The following UBASH3A variants were observed in gnomAD, a reference collection of about 807,000 sequenced individuals.
UBASH3A encodes the protein ubiquitin associated and SH3 domain containing A.
In UBASH3A, 63 loss-of-function variants were observed where a neutral mutation model predicts 73.5. The observed-to-expected ratio is 0.86, with a 90% CI of 0.70 to 1.06. UBASH3A has a LOEUF of 1.06. UBASH3A is among the 50% of genes least tolerant of loss of function. The pLI is 0.00. For missense variants in UBASH3A, 860 were observed against 859.0 expected (o/e 1.00, Z -0.02); for synonymous variants, 363 against 351.1 (o/e 1.03, Z -0.38).
chr21:42,423,134 C>T (rs1028806763), intron 7 of UBASH3A, among the ~76,000 whole-genome samples: 5 of 152,198 alleles, frequency 3.3e-5, no homozygotes, highest in African/African-American at 1.2e-4. Context: ...TTTGTCCATA[C>T]CATGGCGTGC....
At chr21:42,444,767 T>C in intron 14 of UBASH3A, 124 bp downstream of exon 14, 1 of 785,958 alleles carries the variant, frequency 1.3e-6, no homozygotes, top group Non-Finnish European at 2.2e-6. Context: ...AGGATCCACG[T>C]GCCCCCGGAG....
intron 3 of UBASH3A, 132 bp from the exon 4 acceptor site, chr21:42,412,892 A>T (rs1471696010): frequency 1.2e-6 from 1 of 812,464 alleles, no homozygotes; most frequent in African/African-American, 1.7e-5. Flanking sequence ...AAAGGGACGC[A>T]ATAAATTATG....
intron 9 of UBASH3A, among the ~76,000 whole-genome samples, chr21:42,432,949 A>C (rs1307383689): frequency 6.6e-6 from 1 of 152,268 alleles, no homozygotes; most frequent in Non-Finnish European, 1.5e-5. Context: ...ATCAGGATGC[A>C]TTAACAAACA....
chr21:42,428,288 A>C (rs2053473912), intron 8 of UBASH3A, among the ~76,000 whole-genome samples: 1 of 152,150 alleles, frequency 6.6e-6, no homozygotes, highest in Admixed American at 6.5e-5. Context: ...AGCTGGTGCA[A>C]ATCAGCCCAA....
chr21:42,408,109 G>C (rs1271947901), intron 2 of UBASH3A, among the ~76,000 whole-genome samples: 10 of 152,230 alleles, frequency 6.6e-5, no homozygotes, highest in Admixed American at 1.3e-4. Flanking sequence ...TCACCCTCTG[G>C]GTGAACCCTG....
intron 7 of UBASH3A, among the ~76,000 whole-genome samples, chr21:42,423,814 G>T (rs2053385469): frequency 6.6e-6 from 1 of 152,156 alleles, no homozygotes. Context: ...AATAAGCACT[G>T]GGCTAGGTGC....
chr21:42,424,629 A>G (rs1452819474), intron 7 of UBASH3A, among the ~76,000 whole-genome samples: 1 of 152,196 alleles, frequency 6.6e-6, no homozygotes. Context: ...GGACTTTCCC[A>G]ACACTGAAGA....
chr21:42,422,224 C>T (rs559061352), intron 7 of UBASH3A, among the ~76,000 whole-genome samples: 27 of 152,294 alleles, frequency 1.8e-4, no homozygotes, highest in Admixed American at 7.2e-4. Context: ...GAACTTAGGA[C>T]CACAAAATGC....
chr21:42,429,292 C>T (rs1020315553), intron 8 of UBASH3A, among the ~76,000 whole-genome samples: 7 of 152,178 alleles, frequency 4.6e-5, no homozygotes, highest in East Asian at 1.9e-4. Flanking sequence ...TGCTTGGCAC[C>T]GCCCAGCCTG....
chr21:42,413,567 T>C lies in UBASH3A; in HGVS notation c.667+44T>C, dbSNP rs958703302. 1 of 1,375,444 alleles carries C rather than the reference T, an allele frequency of 7.3e-7. No homozygotes were observed. Among genetic ancestry groups the C allele is most frequent in the African/African-American group, 1.4e-5 (1 of 69,584 alleles). 85.2% of individuals were successfully genotyped at this position (1,375,444 alleles called of 1,614,324 possible). A position where few individuals can be genotyped will look rare whatever the true frequency, so the allele number is the denominator to read the frequency against. On this transcript the variant is annotated intron_variant, in intron 5 of 14. Transcript: ENST00000319294. The surrounding 1 kb of genome is among the most constrained non-coding windows in gnomAD (Gnocchi z 4.5). ...TCCGGACCAGCTTTGGTCTTCTCTT[T>C]AGGCGGGAATAGCCTTGTTCTCATT...
chr21:42,413,333 G>A lies in UBASH3A; in HGVS notation c.554-77G>A. ...GATGCAGTGGGTGGGTTCCAGGGGA[G>A]CAGAGCCCAGCAGCAATGGTGGGAT... On this transcript the variant is annotated intron_variant, in intron 4 of 14. Coordinates refer to ENST00000319294, the MANE Select transcript of UBASH3A (RefSeq NM_018961.4). The surrounding 1 kb of genome is among the most constrained non-coding windows in gnomAD (Gnocchi z 4.5). The A allele has an allele frequency of 6.5e-7, 1 of 1,534,784 alleles. No individual in the cohort carries two copies. The highest frequency in any genetic ancestry group is 1.7e-5 in the Admixed American group (1 of 57,908).
At chr21:42,424,300 C>T (rs546125598) in intron 7 of UBASH3A, among the ~76,000 whole-genome samples, 2 of 152,300 alleles carry the variant, frequency 1.3e-5, no homozygotes, top group African/African-American at 4.8e-5. Context: ...GAGTCTGCAG[C>T]TCTGATGAAT....
At chr21:42,431,052 C>G (rs2053519663) in intron 8 of UBASH3A, among the ~76,000 whole-genome samples, 1 of 152,232 alleles carries the variant, frequency 6.6e-6, no homozygotes, top group South Asian at 2.1e-4. Context: ...CTCCACGCAG[C>G]TGTCCTGGTG....
In UBASH3A at chr21:42,426,814, C is replaced by A. The variant is rs377517411; in HGVS notation, c.1164C>A (p.Ala388=). The stretch of plus-strand genomic sequence containing the variant: ...CAAGGAGTCTTAGCAGCTTACAGGC[C>A]TTGCAGGTAATAGAACATTCCCTTT... ...QTARSLSSLQ[A]LQATVARKSV... Residue 388 remains alanine (A), a synonymous_variant, in exon 8 of 15, where the codon GCC becomes GCA. Transcript: ENST00000319294. 6.2e-7 allele frequency: 1 copy of A among 1,613,750 alleles called. No homozygotes were observed. The highest frequency in any genetic ancestry group is 8.5e-7 in the Non-Finnish European group (1 of 1,179,906).
chr21:42,446,519 GA>G, intron 14 of UBASH3A, among the ~76,000 whole-genome samples: 1 of 152,322 alleles, frequency 6.6e-6, no homozygotes, highest in Middle Eastern at 3.4e-3. Flanking sequence ...AGGAAGGAAA[GA>G]AAGAAAAGAA....
intron 14 of UBASH3A, among the ~76,000 whole-genome samples, chr21:42,444,861 CT>C (rs1479907257): frequency 6.6e-6 from 1 of 152,224 alleles, no homozygotes; most frequent in Non-Finnish European, 1.5e-5. Flanking sequence ...TCATTGGCCA[CT>C]TGCCAACTTT....
intron 13 of UBASH3A, among the ~76,000 whole-genome samples, chr21:42,443,894 C>T (rs142878193): frequency 9.1e-4 from 139 of 152,318 alleles, no homozygotes; most frequent in African/African-American, 3.2e-3. Flanking sequence ...CACAATCCAC[C>T]CATGTCCAAG....
chr21:42,415,961 G>C (rs1437801668), intron 5 of UBASH3A, among the ~76,000 whole-genome samples: 2 of 152,168 alleles, frequency 1.3e-5, no homozygotes. Context: ...CACCCAAAAA[G>C]ACCTGAGGCT....
intron 2 of UBASH3A, 63 bp from the exon 3 acceptor site, chr21:42,409,359 C>T (rs2053042501): frequency 1.4e-6 from 2 of 1,475,454 alleles, no homozygotes; most frequent in African/African-American, 1.4e-5. Context: ...TGTTGTGTAT[C>T]CTCAAAGGGG....
Sources: gnomAD v4.1 joint callset for allele counts (sites outside exome capture counted in the v4.1 genomes callset) on GRCh38, gnomAD v4.1.1 for gene constraint, Gnocchi (gnomAD v3.1) non-coding constraint, MANE v1.5 for transcripts, NCBI Gene and HGNC (gene_info 2026-07-23, HGNC 2026-07-21) for gene names.